Variants in STIM2 observed in about 807,000 individuals in gnomAD.
The protein encoded by STIM2 is stromal interaction molecule 2.
In STIM2, 31 loss-of-function variants were observed where a neutral mutation model predicts 85.8. The ratio of observed to expected loss-of-function variants is 0.36; its 90% confidence interval spans 0.27 to 0.49. The LOEUF (loss-of-function observed/expected upper bound fraction) is 0.49, where lower values mean the gene tolerates loss of function less well. Ranked by LOEUF, STIM2 falls within the 20% of genes least tolerant of loss-of-function variation. STIM2 has a pLI of 0.98. For synonymous variants in STIM2, 356 were observed against 331.1 expected (o/e 1.08, Z -0.82); for missense variants, 841 against 927.6 (o/e 0.91, Z 1.21).
At chr4:26,912,291 T>C (rs891164807) in intron 1 of STIM2, among the ~76,000 whole-genome samples, 1 of 152,196 alleles carries the variant, frequency 6.6e-6, no homozygotes, top group African/African-American at 2.4e-5. Context: ...CTGCAGTCCT[T>C]AGTTTGTGAT....
At chr4:26,957,236 C>A (rs1726279192) in intron 2 of STIM2, among the ~76,000 whole-genome samples, 1 of 151,984 alleles carries the variant, frequency 6.6e-6, no homozygotes, top group African/African-American at 2.4e-5. Flanking sequence ...AACTCTGTAC[C>A]TGTTCAGTAC....
chr4:26,919,329 T>G (rs973622172), intron 1 of STIM2, among the ~76,000 whole-genome samples, 175 bp from the exon 2 acceptor site: 1 of 152,188 alleles, frequency 6.6e-6, no homozygotes, highest in South Asian at 2.1e-4. Context: ...TTTTAGTCAG[T>G]TGTGTTCATA....
chr4:26,939,724 C>A (rs1490020075), intron 2 of STIM2, among the ~76,000 whole-genome samples: 5 of 152,042 alleles, frequency 3.3e-5, no homozygotes, highest in South Asian at 4.1e-4. Flanking sequence ...TTTCTTTGGC[C>A]TCCTGAAGGG....
At chr4:26,861,518 T>C in intron 1 of STIM2, 149 bp downstream of exon 1, 1 of 1,152,820 alleles carries the variant, frequency 8.7e-7, no homozygotes, top group Non-Finnish European at 1.1e-6. Flanking sequence ...TTCGTCGCGG[T>C]CCCCTGCACT....
At chr4:26,903,248 G>A (rs1190912739) in intron 1 of STIM2, among the ~76,000 whole-genome samples, 1 of 152,112 alleles carries the variant, frequency 6.6e-6, no homozygotes, top group African/African-American at 2.4e-5. Flanking sequence ...CTCTGCAACT[G>A]TATGAATATT....
intron 1 of STIM2, among the ~76,000 whole-genome samples, chr4:26,892,871 C>T (rs1167648462): frequency 1.3e-5 from 2 of 152,158 alleles, no homozygotes; most frequent in African/African-American, 4.8e-5. Context: ...AAGCATTTTT[C>T]AGATCCATAT....
Position 27,024,138 on chromosome 4 carries a change from A to C in STIM2, c.*1142A>C, listed in dbSNP as rs1021309420. The C allele has an allele frequency of 6.6e-6, 1 of 152,324 alleles. No individual in the cohort carries two copies. Among genetic ancestry groups the C allele is most frequent in the Non-Finnish European group, 1.5e-5 (1 of 68,038 alleles). The allele number at this position is 152,324 out of a possible 1,614,324, so 9.4% of individuals were successfully genotyped here. ...TATTTTTATGTAGTTTGAAATGTAAAAATGTTCTAATATCAAGATTAACAA... is the reference window on the plus strand; with the variant it reads ...TATTTTTATGTAGTTTGAAATGTAACAATGTTCTAATATCAAGATTAACAA... On this transcript the variant is annotated 3_prime_UTR_variant, in exon 12 of 12. Transcript: ENST00000467087.
intron 3 of STIM2, among the ~76,000 whole-genome samples, chr4:26,967,203 C>T (rs2109101154): frequency 6.6e-6 from 1 of 152,170 alleles, no homozygotes; most frequent in East Asian, 1.9e-4. Context: ...AAATGCAAAA[C>T]AGGTGTTTAT....
Position 26,861,173 on chromosome 4 carries a change from T to A in STIM2, c.-46T>A. ...GGCGCCTTCATCCCGCCTCGACTCC[T>A]GGCCCAGCGTGGGGCTGGCTGCTGC... is the stretch of plus-strand genomic sequence containing the variant. On this transcript the variant is annotated 5_prime_UTR_variant, in exon 1 of 12. Coordinates refer to ENST00000467087, the MANE Select transcript of STIM2 (RefSeq NM_020860.4). 5 of 1,402,384 alleles carry A rather than the reference T, an allele frequency of 3.6e-6. No individual in the cohort carries two copies. Among genetic ancestry groups the A allele is most frequent in the Non-Finnish European group, 4.6e-6 (5 of 1,075,604 alleles). The allele number at this position is 1,402,384 out of a possible 1,614,324, so 86.9% of individuals were successfully genotyped here.
rs1332328790 is a variant in STIM2 at position 26,975,091 on chromosome 4, G to A, written c.397+17365G>A. ...GTGCCATAGTTTTCAGCTCCATCAG[G>A]TCATTTAAGGTCTTCCCTACACTGT... On this transcript the variant is annotated intron_variant, in intron 3 of 11. Transcript: ENST00000467087. 2.0e-5 allele frequency among the ~76,000 whole-genome samples: 3 copies of A among 151,540 alleles called. No individual in the cohort carries two copies. In the East Asian group the frequency reaches 5.9e-4, roughly 30 times the overall value.
At chr4:26,867,874 C>T (rs763802797) in intron 1 of STIM2, among the ~76,000 whole-genome samples, 2 of 152,170 alleles carry the variant, frequency 1.3e-5, no homozygotes, top group Non-Finnish European at 2.9e-5. Context: ...TGTTCTCAGC[C>T]TCCTCTTCCT....
chr4:26,954,261 C>A (rs937645688), intron 2 of STIM2, among the ~76,000 whole-genome samples: 1 of 152,084 alleles, frequency 6.6e-6, no homozygotes, highest in Non-Finnish European at 1.5e-5. Flanking sequence ...TTCAGTGGTA[C>A]TAGAAGAGTT....
chr4:26,945,350 G>T (rs1212668771), intron 2 of STIM2, among the ~76,000 whole-genome samples: 2 of 152,150 alleles, frequency 1.3e-5, no homozygotes, highest in South Asian at 4.1e-4. Flanking sequence ...TGTCATTGAT[G>T]GGCGTTTAGG....
chr4:26,894,269 T>C (rs190393581), intron 1 of STIM2, among the ~76,000 whole-genome samples: 48 of 151,148 alleles, frequency 3.2e-4, no homozygotes, highest in Admixed American at 1.4e-3. Flanking sequence ...TATACTTATG[T>C]GTGTATATAT....
At chr4:26,943,250 T>A (rs938283266) in intron 2 of STIM2, among the ~76,000 whole-genome samples, 1 of 152,170 alleles carries the variant, frequency 6.6e-6, no homozygotes, top group Non-Finnish European at 1.5e-5. Flanking sequence ...TGGTTTCCTG[T>A]TTGTATAGGA....
chr4:26,975,629 G>A (rs1351856728), intron 3 of STIM2, among the ~76,000 whole-genome samples: 2 of 152,120 alleles, frequency 1.3e-5, no homozygotes, highest in Non-Finnish European at 2.9e-5. Context: ...TGGAAGCTTC[G>A]TCCCACAGGA....
At chr4:26,948,452 G>A (rs965284799) in intron 2 of STIM2, among the ~76,000 whole-genome samples, 43 of 152,336 alleles carry the variant, frequency 2.8e-4, no homozygotes, top group African/African-American at 9.1e-4. Flanking sequence ...GCAAAAAGAA[G>A]TAGTGTTCAA....
At position 27,024,249 on chromosome 4, in the gene STIM2, C is replaced by T. The variant is rs941564253; in HGVS notation, c.*1253C>T. On this transcript the variant is annotated 3_prime_UTR_variant, in exon 12 of 12. Transcript: ENST00000467087. ...AAATTGGTGGGTTGTATAAGGGTAG[C>T]TTTTGTTGTTAAAAAAACAGTAGAG... 1.3e-5 allele frequency: 2 copies of T among 151,958 alleles called. No individual in the cohort carries two copies. Among genetic ancestry groups the T allele is most frequent in the African/African-American group, 4.8e-5 (2 of 41,324 alleles). The allele number at this position is 151,958 out of a possible 1,614,324, so 9.4% of individuals were successfully genotyped here.
intron 1 of STIM2, among the ~76,000 whole-genome samples, chr4:26,913,332 A>G (rs994851325): frequency 3.3e-5 from 5 of 151,994 alleles, no homozygotes; most frequent in Non-Finnish European, 7.4e-5. Flanking sequence ...GTAATATTGT[A>G]TAGTAATCAA....
Sources: gnomAD v4.1 joint callset for allele counts (sites outside exome capture counted in the v4.1 genomes callset) on GRCh38, gnomAD v4.1.1 for gene constraint, MANE v1.5 for transcripts, NCBI Gene and HGNC (gene_info 2026-07-23, HGNC 2026-07-21) for gene names.